The following STRN variants were observed in gnomAD, a reference collection of about 807,000 sequenced individuals.
STRN encodes the protein striatin.
Under a neutral mutation model 96.3 loss-of-function variants are expected in STRN, and 53 were observed. That is an observed-to-expected ratio of 0.55 (90% CI 0.44 to 0.69). The LOEUF is 0.69. Ranked by LOEUF, STRN falls within the 30% of genes least tolerant of loss-of-function variation. The probability of loss-of-function intolerance (pLI) is 0.00; values close to 1 mark genes in which losing one functional copy is unlikely to be tolerated. For missense variants in STRN, 987 were observed against 963.9 expected (o/e 1.02, Z -0.32); for synonymous variants, 428 against 355.9 (o/e 1.20, Z -2.28).
intron 7 of STRN, among the ~76,000 whole-genome samples, chr2:36,888,367 C>T (rs150602809): frequency 2.5e-4 from 38 of 152,270 alleles, no homozygotes; most frequent in African/African-American, 8.9e-4. Context: ...CCATGGCTCC[C>T]CATCTCACCA....
At chr2:36,852,931 C>CG (rs538352760) in intron 15 of STRN, among the ~76,000 whole-genome samples, 2 of 152,104 alleles carry the variant, frequency 1.3e-5, no homozygotes, top group African/African-American at 4.8e-5. Flanking sequence ...CCGAGGCAGG[C>CG]GGATCACTTG....
chr2:36,930,727 A>G (rs940048616), intron 1 of STRN, among the ~76,000 whole-genome samples: 9 of 152,034 alleles, frequency 5.9e-5, no homozygotes, highest in Admixed American at 5.2e-4. Flanking sequence ...TCTGTTAAGG[A>G]GCAAGGAAAA....
chr2:36,880,277 T>C (rs917695543), intron 9 of STRN, among the ~76,000 whole-genome samples: 1 of 151,968 alleles, frequency 6.6e-6, no homozygotes, highest in Admixed American at 6.6e-5. Flanking sequence ...CTCTACAAAA[T>C]TTTTTTTAAC....
At chr2:36,953,402 C>CTTT (rs58389468) in intron 1 of STRN, among the ~76,000 whole-genome samples, 3 of 135,212 alleles carry the variant, frequency 2.2e-5, no homozygotes, top group African/African-American at 8.3e-5. Flanking sequence ...AGATAAGGTC[C>CTTT]TTTTTTTTTT....
chr2:36,904,806 C>T (rs1411030467), intron 4 of STRN, among the ~76,000 whole-genome samples: 8 of 151,898 alleles, frequency 5.3e-5, no homozygotes, highest in African/African-American at 1.2e-4. Context: ...CCAGCCTGAG[C>T]GACAGAGTGA....
chr2:36,890,169 A>C lies in STRN; in HGVS notation c.932-3343T>G, dbSNP rs555535386. Among the ~76,000 whole-genome samples, 59 of 152,310 alleles carry C rather than the reference A, an allele frequency of 3.9e-4. 1 individual carries two copies. Among genetic ancestry groups the C allele is most frequent in the Admixed American group, 9.8e-4 (15 of 15,296 alleles). On this transcript the variant is annotated intron_variant, in intron 7 of 17. Coordinates refer to ENST00000263918, the MANE Select transcript of STRN (RefSeq NM_003162.4). Reference sequence around the variant, plus strand: ...ACTTGCCTAAAATATGAGTAACTTGATACACAAGCTCAGTAGGGAATAAGA... The same window carrying C: ...ACTTGCCTAAAATATGAGTAACTTGCTACACAAGCTCAGTAGGGAATAAGA...
chr2:36,912,852 T>C (rs762622960), intron 3 of STRN, among the ~76,000 whole-genome samples: 7 of 152,228 alleles, frequency 4.6e-5, no homozygotes, highest in Non-Finnish European at 8.8e-5. Context: ...TCTGGTCTAG[T>C]TGTTTAAATT....
chr2:36,911,679 T>G (rs1454339389), intron 3 of STRN, among the ~76,000 whole-genome samples: 4 of 152,192 alleles, frequency 2.6e-5, no homozygotes, highest in Admixed American at 6.5e-5. Context: ...GTGTCTTCAC[T>G]TCCTTCCCTC....
chr2:36,851,551 T>A (rs1255889775), intron 15 of STRN, among the ~76,000 whole-genome samples: 1 of 152,154 alleles, frequency 6.6e-6, no homozygotes, highest in Non-Finnish European at 1.5e-5. Flanking sequence ...TTTAGTTCAT[T>A]TATTCTGTGA....
chr2:36,889,515 T>G (rs1364912283), intron 7 of STRN, among the ~76,000 whole-genome samples: 1 of 149,148 alleles, frequency 6.7e-6, no homozygotes, highest in African/African-American at 2.5e-5. Context: ...ATAATCTTAC[T>G]AGACTCATAA....
Position 36,869,618 on chromosome 2 carries a change from T to C in STRN, c.1435A>G (p.Ile479Val). The C allele has an allele frequency of 6.2e-7, 1 of 1,612,062 alleles. No individual in the cohort carries two copies. The highest frequency in any genetic ancestry group is 2.2e-5 in the East Asian group (1 of 44,746). Residue 479 changes from isoleucine (I) to valine (V), a missense_variant, in exon 11 of 18, where the codon ATA becomes GTA. By Grantham distance (29) the Ile-to-Val change is conservative (BLOSUM62 3). Transcript: ENST00000263918. ...AATGTGTGATCCTCTGATGCTGTTATCAAAACAGGCTCAATGGGATGGAAA... is the reference window on the plus strand; with the variant it reads ...AATGTGTGATCCTCTGATGCTGTTACCAAAACAGGCTCAATGGGATGGAAA... ...LAFHPIEPVL[I>V]TASEDHTLKM...
Position 36,841,566 on chromosome 2 carries a change from G to A in STRN, c.*7890C>T, listed in dbSNP as rs1667952110. On this transcript the variant is annotated 3_prime_UTR_variant, in exon 18 of 18. Transcript: ENST00000263918. ...TTTTAAAAATGTTTTTAAAAGCATAGTCAAAACCATTCAAAAGAGAACTCA... is the reference window on the plus strand; with the variant it reads ...TTTTAAAAATGTTTTTAAAAGCATAATCAAAACCATTCAAAAGAGAACTCA... The A allele has an allele frequency of 6.6e-6, 1 of 152,110 alleles. No homozygotes were observed. Among genetic ancestry groups the A allele is most frequent in the African/African-American group, 2.4e-5 (1 of 41,424 alleles). The allele number at this position is 152,110 out of a possible 1,614,324, so 9.4% of individuals were successfully genotyped here.
chr2:36,933,895 A>C (rs757015166), intron 1 of STRN, among the ~76,000 whole-genome samples: 1 of 152,208 alleles, frequency 6.6e-6, no homozygotes, highest in Non-Finnish European at 1.5e-5. Context: ...GGATCACCCG[A>C]GGTCAGGAGT....
intron 7 of STRN, 64 bp from the exon 8 acceptor site, chr2:36,886,890 A>C: frequency 2.3e-6 from 3 of 1,296,862 alleles, no homozygotes; most frequent in Admixed American, 2.2e-5. Flanking sequence ...CTGAGTCAGT[A>C]TGTCTGAATG....
intron 13 of STRN, among the ~76,000 whole-genome samples, chr2:36,859,925 C>T (rs186006100): frequency 6.6e-6 from 1 of 152,222 alleles, no homozygotes; most frequent in Admixed American, 6.5e-5. Flanking sequence ...AGAATGTAGA[C>T]AGATGAAGCA....
At chr2:36,904,516 T>C (rs1414614477) in intron 4 of STRN, among the ~76,000 whole-genome samples, 2 of 152,144 alleles carry the variant, frequency 1.3e-5, no homozygotes, top group African/African-American at 4.8e-5. Context: ...TTGTCTCAAA[T>C]ACATATTAAT....
chr2:36,880,868 A>G (rs1669051072), intron 9 of STRN, among the ~76,000 whole-genome samples: 1 of 152,200 alleles, frequency 6.6e-6, no homozygotes. Context: ...CAAATGGCCA[A>G]GTAAAACCTG....
chr2:36,890,888 A>G lies in STRN; in HGVS notation c.931+3010T>C, dbSNP rs1669378536. 2.6e-5 allele frequency among the ~76,000 whole-genome samples: 4 copies of G among 152,238 alleles called. No individual in the cohort carries two copies. In the South Asian group the frequency reaches 8.3e-4, roughly 31 times the overall value. ...GGGCAAGAAGAAGTCAGCTGGACTT[A>G]GAAGTATAATCAGTTTCTTCCTCTC... On this transcript the variant is annotated intron_variant, in intron 7 of 17. Transcript: ENST00000263918.
chr2:36,939,774 G>A (rs149764955), intron 1 of STRN, among the ~76,000 whole-genome samples: 1 of 152,000 alleles, frequency 6.6e-6, no homozygotes, highest in South Asian at 2.1e-4. Context: ...TTGCTGAACA[G>A]AATAAAAGTA....
Sources: allele counts gnomAD v4.1 joint callset (sites outside exome capture counted in the v4.1 genomes callset), GRCh38; gene constraint gnomAD v4.1.1; transcripts MANE v1.5; gene names NCBI Gene and HGNC (gene_info 2026-07-23, HGNC 2026-07-21).